The following TAFA4 variants were observed in gnomAD, a reference collection of about 807,000 sequenced individuals.
The protein encoded by TAFA4 is chemokine-like protein TAFA-4.
Under a neutral mutation model 21.1 loss-of-function variants are expected in TAFA4, and 20 were observed. The ratio of observed to expected loss-of-function variants is 0.95; its 90% CI spans 0.67 to 1.38. The LOEUF is 1.38. TAFA4 is among the 40% of genes most tolerant of loss of function. The probability of loss-of-function intolerance (pLI) is 0.00; values close to 1 mark genes in which losing one functional copy is unlikely to be tolerated. For synonymous variants in TAFA4, 71 were observed against 67.4 expected, an observed-to-expected ratio of 1.05 and a Z score of -0.26; for missense variants, 211 against 180.9, an observed-to-expected ratio of 1.17 and a Z score of -0.95.
intron 3 of TAFA4, among the ~76,000 whole-genome samples, chr3:68,841,140 G>A (rs1704653121): frequency 2.7e-5 from 2 of 74,934 alleles, no homozygotes; most frequent in Admixed American, 1.2e-4. Flanking sequence ...CGGCTAAAAC[G>A]GTGAAACCCC....
At chr3:68,735,106 G>T (rs771176740) in intron 5 of TAFA4, among the ~76,000 whole-genome samples, 2 of 152,072 alleles carry the variant, frequency 1.3e-5, no homozygotes, top group South Asian at 4.2e-4. Flanking sequence ...AGCATTTCAA[G>T]TCTGACTATA....
chr3:68,767,045 A>AT (rs752669570), intron 3 of TAFA4, among the ~76,000 whole-genome samples: 18 of 152,144 alleles, frequency 1.2e-4, no homozygotes, highest in Non-Finnish European at 2.1e-4. Context: ...AAAAACGTTT[A>AT]TTTTTTTGTT....
intron 3 of TAFA4, among the ~76,000 whole-genome samples, chr3:68,766,246 G>C (rs537074666): frequency 6.6e-6 from 1 of 152,072 alleles, no homozygotes; most frequent in South Asian, 2.1e-4. Flanking sequence ...AGATCAAATA[G>C]AGAATGAATA....
At chr3:68,783,287 G>C (rs1021664476) in intron 3 of TAFA4, among the ~76,000 whole-genome samples, 1 of 152,086 alleles carries the variant, frequency 6.6e-6, no homozygotes, top group Non-Finnish European at 1.5e-5. Flanking sequence ...TGAAAATCAG[G>C]CAAGAAAAAG....
At chr3:68,805,315 A>G (rs1703669112) in intron 3 of TAFA4, among the ~76,000 whole-genome samples, 1 of 152,180 alleles carries the variant, frequency 6.6e-6, no homozygotes, top group African/African-American at 2.4e-5. Context: ...CAGATGCTGG[A>G]GAGGATGTGG....
chr3:68,890,792 G>T (rs1055207710), intron 1 of TAFA4, among the ~76,000 whole-genome samples: 1 of 152,162 alleles, frequency 6.6e-6, no homozygotes, highest in Non-Finnish European at 1.5e-5. Flanking sequence ...CTTTCTTCAG[G>T]ACTTGAAGAC....
intron 4 of TAFA4, among the ~76,000 whole-genome samples, chr3:68,740,904 T>C (rs976444167): frequency 2.6e-5 from 4 of 152,214 alleles, no homozygotes; most frequent in Non-Finnish European, 5.9e-5. Context: ...GAAGAGACTA[T>C]CCTTTCCCCA....
chr3:68,882,429 G>T (rs1330268166), intron 2 of TAFA4, among the ~76,000 whole-genome samples: 1 of 152,096 alleles, frequency 6.6e-6, no homozygotes, highest in Admixed American at 6.5e-5. Flanking sequence ...GCATCCCCGG[G>T]CTCACATTTC....
At chr3:68,800,561 G>A (rs1703555305) in intron 3 of TAFA4, among the ~76,000 whole-genome samples, 1 of 152,158 alleles carries the variant, frequency 6.6e-6, no homozygotes, top group African/African-American at 2.4e-5. Context: ...GCTTATGAAG[G>A]AAACTGAGCC....
intron 3 of TAFA4, among the ~76,000 whole-genome samples, chr3:68,851,338 G>A (rs139244530): frequency 4.6e-5 from 7 of 152,132 alleles, no homozygotes; most frequent in African/African-American, 1.4e-4. Flanking sequence ...AGAACCTGTC[G>A]GGGGGTGCAG....
chr3:68,741,872 T>C (rs1702363332), intron 4 of TAFA4, among the ~76,000 whole-genome samples: 1 of 152,162 alleles, frequency 6.6e-6, no homozygotes. Flanking sequence ...TCCAAACTCA[T>C]TTAATAACGC....
chr3:68,896,527 G>A (rs1451301214), intron 1 of TAFA4, among the ~76,000 whole-genome samples: 4 of 152,194 alleles, frequency 2.6e-5, no homozygotes, highest in Admixed American at 2.6e-4. Context: ...TACCAGTCTT[G>A]CAATATGCCA....
intron 1 of TAFA4, among the ~76,000 whole-genome samples, chr3:68,893,204 T>A (rs2089749183): frequency 6.6e-6 from 1 of 152,240 alleles, no homozygotes; most frequent in African/African-American, 2.4e-5. Context: ...TTGGAGATTA[T>A]CTACAAGTTG....
At chr3:68,884,070 ATGAAAG>A (rs2089646625) in intron 2 of TAFA4, among the ~76,000 whole-genome samples, 2 of 152,240 alleles carry the variant, frequency 1.3e-5, no homozygotes, top group Admixed American at 1.3e-4. Context: ...TTCTTCAGTA[ATGAAAG>A]TGATATTATA....
intron 4 of TAFA4, among the ~76,000 whole-genome samples, chr3:68,752,314 A>G (rs376367354): frequency 4.1e-4 from 62 of 152,300 alleles, no homozygotes; most frequent in Middle Eastern, 6.8e-3. Flanking sequence ...ACAACCATCA[A>G]CATTCATATA....
At position 68,815,062 on chromosome 3, in the gene TAFA4, GA is replaced by G. The variant is rs1447234350; in HGVS notation, c.131-62045del. On this transcript the variant is annotated intron_variant, in intron 3 of 5. Transcript: ENST00000295569. ...AAACCTGACAAAAACAAGAAATGGG[GA>G]AAGGATTCTCTATTTAATAAATGGT... 3.9e-5 allele frequency among the ~76,000 whole-genome samples: 6 copies of G among 152,202 alleles called. No homozygotes were observed. The East Asian group carries it at 1.2e-3, about 29-fold the overall frequency.
chr3:68,835,052 C>T (rs1261064568), intron 3 of TAFA4, among the ~76,000 whole-genome samples: 7 of 152,182 alleles, frequency 4.6e-5, no homozygotes, highest in Non-Finnish European at 8.8e-5. Context: ...ATTCACTCCA[C>T]TTAACACTCT....
At chr3:68,822,744 T>C (rs984755771) in intron 3 of TAFA4, among the ~76,000 whole-genome samples, 1 of 152,344 alleles carries the variant, frequency 6.6e-6, no homozygotes, top group South Asian at 2.1e-4. Context: ...AGTGCCAGGA[T>C]TGTAGGCATG....
At chr3:68,745,820 C>T (rs1261107384) in intron 4 of TAFA4, among the ~76,000 whole-genome samples, 1 of 152,190 alleles carries the variant, frequency 6.6e-6, no homozygotes, top group African/African-American at 2.4e-5. Flanking sequence ...TGGATTCTTA[C>T]TTGCTGATTT....
Sources: gnomAD v4.1 joint callset for allele counts (sites outside exome capture counted in the v4.1 genomes callset) on GRCh38, gnomAD v4.1.1 for gene constraint, MANE v1.5 for transcripts, NCBI Gene and HGNC (gene_info 2026-07-23, HGNC 2026-07-21) for gene names.